PTPRD: variants seen among roughly 807,000 people sequenced by gnomAD.
PTPRD encodes protein tyrosine phosphatase receptor type D, also known as receptor-type tyrosine-protein phosphatase delta.
Under a neutral mutation model 214.5 loss-of-function variants are expected in PTPRD, and 34 were observed. The ratio of observed to expected loss-of-function variants is 0.16; its 90% CI spans 0.12 to 0.21. PTPRD has a LOEUF of 0.21. Ranked by LOEUF, PTPRD falls within the 10% of genes least tolerant of loss-of-function variation. PTPRD has a pLI of 1.00. For synonymous variants in PTPRD, 1,128 were observed against 845.7 expected (o/e 1.33, Z -5.79); for missense variants, 2,545 against 2,398.7 (o/e 1.06, Z -1.27).
At chr9:8,757,363 A>T (rs965132822) in intron 11 of PTPRD, among the ~76,000 whole-genome samples, 17 of 152,256 alleles carry the variant, frequency 1.1e-4, no homozygotes, top group African/African-American at 3.9e-4. Flanking sequence ...ATTTTGAGTA[A>T]AAAGCGTATC....
intron 11 of PTPRD, among the ~76,000 whole-genome samples, chr9:8,948,671 C>A (rs1224699370): frequency 7.0e-6 from 1 of 141,984 alleles, no homozygotes; most frequent in Non-Finnish European, 1.5e-5. Context: ...CGTAGTGATA[C>A]AAATTAAGTT....
At chr9:9,296,717 T>C (rs1309970564) in intron 9 of PTPRD, among the ~76,000 whole-genome samples, 1 of 151,790 alleles carries the variant, frequency 6.6e-6, no homozygotes. Flanking sequence ...CTCTGATTGC[T>C]TTTGACATTT....
intron 8 of PTPRD, among the ~76,000 whole-genome samples, chr9:9,555,917 T>G (rs2081404129): frequency 6.6e-6 from 1 of 152,128 alleles, no homozygotes; most frequent in Non-Finnish European, 1.5e-5. Context: ...ATATTAAAAC[T>G]AAAATAGAAC....
At chr9:8,404,371 C>T (rs1376431731) in intron 36 of PTPRD, among the ~76,000 whole-genome samples, 166 bp downstream of exon 36, 2 of 152,190 alleles carry the variant, frequency 1.3e-5, no homozygotes, top group African/African-American at 4.8e-5. Flanking sequence ...TCAGGCGATC[C>T]ACCCGCCTCA....
intron 11 of PTPRD, among the ~76,000 whole-genome samples, chr9:8,788,763 C>T (rs1189775601): frequency 3.3e-5 from 5 of 152,154 alleles, no homozygotes; most frequent in African/African-American, 1.2e-4. Context: ...AATCCTATTG[C>T]TTCCAACCCA....
chr9:9,934,369 T>C (rs989173415), intron 5 of PTPRD, among the ~76,000 whole-genome samples: 24 of 148,064 alleles, frequency 1.6e-4, no homozygotes, highest in Non-Finnish European at 3.1e-4. Flanking sequence ...ATCAAATAGA[T>C]GCAATAAAAA....
chr9:10,359,957 A>G (rs1216171801), intron 2 of PTPRD, among the ~76,000 whole-genome samples: 1 of 152,222 alleles, frequency 6.6e-6, no homozygotes, highest in Non-Finnish European at 1.5e-5. Flanking sequence ...TGAAAGCTGC[A>G]TTTGAATCTT....
rs35593505 is a variant in PTPRD at position 10,117,612 on chromosome 9, G to GTTTTTTTTT, written c.-544-83831_-544-83823dup. The stretch of plus-strand genomic sequence containing the variant: ...TTCCCTGTATGGATTAAATCTCCCC[G>GTTTTTTTTT]TTTTTTTTTTTTTCTTATAATAATA... On this transcript the variant is annotated intron_variant, in intron 3 of 45. Coordinates refer to ENST00000381196, the MANE Select transcript of PTPRD (RefSeq NM_002839.4). Among the ~76,000 whole-genome samples, 224 of 144,662 alleles carry GTTTTTTTTT rather than the reference G, an allele frequency of 1.5e-3. 3 individuals carry two copies. The South Asian group carries it at 0.018, about 12-fold the overall frequency. 94.9% of individuals were successfully genotyped at this position (144,662 alleles called of 152,430 possible).
intron 7 of PTPRD, among the ~76,000 whole-genome samples, chr9:9,733,427 C>T (rs186639245): frequency 9.5e-4 from 144 of 152,250 alleles, no homozygotes; most frequent in African/African-American, 3.2e-3. Context: ...TCTTCAGTAA[C>T]GTTTGTTCAA....
At chr9:10,610,878 C>T (rs1001812908) in intron 2 of PTPRD, among the ~76,000 whole-genome samples, 2 of 152,082 alleles carry the variant, frequency 1.3e-5, no homozygotes, top group Admixed American at 6.5e-5. Flanking sequence ...TAAAACATCT[C>T]TACTTTTTTG....
intron 35 of PTPRD, among the ~76,000 whole-genome samples, chr9:8,417,961 T>A (rs1461941387): frequency 1.3e-5 from 2 of 152,180 alleles, no homozygotes; most frequent in African/African-American, 2.4e-5. Context: ...CCTATTGCAC[T>A]CTGTGTCTAC....
intron 44 of PTPRD, among the ~76,000 whole-genome samples, chr9:8,326,571 A>C (rs1314659937): frequency 6.6e-6 from 1 of 151,664 alleles, no homozygotes; most frequent in East Asian, 1.9e-4. Flanking sequence ...TATCAGGATG[A>C]TGCTGGCCTC....
intron 11 of PTPRD, among the ~76,000 whole-genome samples, chr9:8,808,461 CCT>C (rs1046246331): frequency 2.4e-5 from 3 of 127,416 alleles, no homozygotes; most frequent in Admixed American, 8.3e-5. Context: ...AAGCCCCCCA[CCT>C]TTTTTTTTTT....
At chr9:9,341,290 A>T (rs1318817197) in intron 9 of PTPRD, among the ~76,000 whole-genome samples, 1 of 152,036 alleles carries the variant, frequency 6.6e-6, no homozygotes, top group East Asian at 1.9e-4. Context: ...GGGCCCTGAG[A>T]TGAATGTTAC....
intron 9 of PTPRD, among the ~76,000 whole-genome samples, chr9:9,186,210 C>T (rs1449280780): frequency 2.0e-5 from 3 of 152,040 alleles, no homozygotes; most frequent in African/African-American, 7.2e-5. Context: ...GGAACATGCT[C>T]AATCTGGGGG....
chr9:9,864,084 C>T lies in PTPRD; in HGVS notation c.-368+74423G>A, dbSNP rs555596531. ...CTTTAGGAGGCCGAAGTGGGTGGAACATTTGAGGTCAGGAGTTTGAGACCA... is the reference window on the plus strand; with the variant it reads ...CTTTAGGAGGCCGAAGTGGGTGGAATATTTGAGGTCAGGAGTTTGAGACCA... On this transcript the variant is annotated intron_variant, in intron 5 of 45. Transcript: ENST00000381196. Among the ~76,000 whole-genome samples, 4 of 152,230 alleles carry T rather than the reference C, an allele frequency of 2.6e-5. No homozygotes were observed. In the South Asian group the frequency reaches 8.3e-4, roughly 32 times the overall value.
At chr9:10,471,430 C>G (rs2099030537) in intron 2 of PTPRD, among the ~76,000 whole-genome samples, 1 of 152,046 alleles carries the variant, frequency 6.6e-6, no homozygotes, top group African/African-American at 2.4e-5. Flanking sequence ...AAAGTTTCAT[C>G]AGGTAGTATG....
In PTPRD at chr9:9,759,621, G is replaced by A. The variant is rs191349989; in HGVS notation, c.-326+7189C>T. Among the ~76,000 whole-genome samples, 13 of 143,680 alleles carry A rather than the reference G, an allele frequency of 9.0e-5. No homozygotes were observed. The East Asian group carries it at 1.1e-3, about 12-fold the overall frequency. The allele number at this position is 143,680 out of a possible 152,430, so 94.3% of individuals were successfully genotyped here. A position where few individuals can be genotyped will look rare whatever the true frequency, so the allele number is the denominator to read the frequency against. On this transcript the variant is annotated intron_variant, in intron 6 of 45. Transcript: ENST00000381196. The stretch of plus-strand genomic sequence containing the variant: ...CACCCAGGCTGAAGTGTAGTGACGC[G>A]ATCTCAGCTCACTGCAACCTCTACC...
intron 3 of PTPRD, among the ~76,000 whole-genome samples, chr9:10,277,736 A>T (rs987174880): frequency 6.6e-6 from 1 of 152,188 alleles, no homozygotes; most frequent in African/African-American, 2.4e-5. Context: ...CTCTATGTAG[A>T]TCTTACCTCA....
Sources: allele counts gnomAD v4.1 joint callset (sites outside exome capture counted in the v4.1 genomes callset), GRCh38; gene constraint gnomAD v4.1.1; transcripts MANE v1.5; gene names NCBI Gene and HGNC (gene_info 2026-07-23, HGNC 2026-07-21).